TTLL7: variants seen among roughly 807,000 people sequenced by gnomAD.
The protein encoded by TTLL7 is tubulin polyglutamylase TTLL7.
TTLL7 carries 53 observed loss-of-function variants against 120.2 expected under a neutral mutation model. The observed-to-expected ratio is 0.44, with a 90% confidence interval of 0.35 to 0.55. The LOEUF is 0.55. Among genes scored for constraint, TTLL7 ranks in the 20% least tolerant of loss-of-function variants. The pLI is 0.00. For missense variants in TTLL7, 803 were observed against 1,054.7 expected, an observed-to-expected ratio of 0.76 and a Z score of 3.31; for synonymous variants, 353 against 351.7, an observed-to-expected ratio of 1.00 and a Z score of -0.04.
At chr1:83,928,353 C>A (rs2100812067) in intron 10 of TTLL7, among the ~76,000 whole-genome samples, 1 of 152,196 alleles carries the variant, frequency 6.6e-6, no homozygotes, top group Non-Finnish European at 1.5e-5. Flanking sequence ...ACCTCAGAGG[C>A]CCTTTAATCC....
chr1:83,894,877 C>T (rs1266245303), intron 18 of TTLL7, among the ~76,000 whole-genome samples: 1 of 152,006 alleles, frequency 6.6e-6, no homozygotes, highest in Non-Finnish European at 1.5e-5. Flanking sequence ...AAGGAGCCTC[C>T]GCAAGAAGGC....
intron 20 of TTLL7, among the ~76,000 whole-genome samples, chr1:83,881,710 C>T (rs1419903963): frequency 2.0e-5 from 3 of 151,194 alleles, no homozygotes; most frequent in Non-Finnish European, 4.4e-5. Flanking sequence ...CCTAGAAATA[C>T]CATTTGACCC....
At chr1:83,893,956 G>T (rs1456547545) in intron 18 of TTLL7, among the ~76,000 whole-genome samples, 1 of 152,000 alleles carries the variant, frequency 6.6e-6, no homozygotes, top group East Asian at 1.9e-4. Context: ...TTATAAAGAG[G>T]AATATCTTAA....
At chr1:83,884,779 C>T (rs1288217397) in intron 19 of TTLL7, among the ~76,000 whole-genome samples, 4 of 150,306 alleles carry the variant, frequency 2.7e-5, no homozygotes, top group South Asian at 4.2e-4. Context: ...TGCTAAATGA[C>T]GAGTTAATGG....
At chr1:83,892,504 G>T (rs368801814) in intron 18 of TTLL7, among the ~76,000 whole-genome samples, 1 of 47,154 alleles carries the variant, frequency 2.1e-5, no homozygotes, top group Admixed American at 2.1e-4. Flanking sequence ...ATGAACATAT[G>T]AATGAACATA....
chr1:83,932,535 T>C (rs1312556112), intron 9 of TTLL7, among the ~76,000 whole-genome samples: 1 of 151,610 alleles, frequency 6.6e-6, no homozygotes, highest in Admixed American at 6.6e-5. Flanking sequence ...TACATGTTAC[T>C]GTTTAAAGTA....
Position 83,916,602 on chromosome 1 carries a change from G to A in TTLL7, c.1587+1002C>T, listed in dbSNP as rs554846484. On this transcript the variant is annotated intron_variant, in intron 14 of 20. Coordinates refer to ENST00000260505, the MANE Select transcript of TTLL7 (RefSeq NM_024686.6). ...ACATGTATACATATGTAACAAACCT[G>A]CACGTTGTGCACATGTACCCTAAAA... 3.9e-5 allele frequency among the ~76,000 whole-genome samples: 6 copies of A among 152,022 alleles called. No homozygotes were observed. The South Asian group carries it at 1.2e-3, about 32-fold the overall frequency.
chr1:83,892,697 T>C (rs1476099548), intron 18 of TTLL7, among the ~76,000 whole-genome samples: 3 of 120,446 alleles, frequency 2.5e-5, no homozygotes, highest in East Asian at 2.9e-4. Context: ...TATATGAACA[T>C]ATATATGAAC....
chr1:83,906,236 T>C (rs1657187166), intron 17 of TTLL7, 93 bp downstream of exon 17: 24 of 1,057,926 alleles, frequency 2.3e-5, no homozygotes, highest in Non-Finnish European at 3.1e-5. Context: ...ACTATGTCAC[T>C]GAGCATAATG....
chr1:83,963,511 C>T (rs1650190381), intron 1 of TTLL7, among the ~76,000 whole-genome samples: 1 of 151,910 alleles, frequency 6.6e-6, no homozygotes, highest in South Asian at 2.1e-4. Context: ...AACCAGGTTC[C>T]TATCCAAAAC....
intron 17 of TTLL7, among the ~76,000 whole-genome samples, chr1:83,904,954 T>G (rs1418697359): frequency 1.3e-5 from 2 of 151,990 alleles, no homozygotes; most frequent in African/African-American, 4.8e-5. Flanking sequence ...TCATTATATT[T>G]TATTAATTAT....
chr1:83,879,549 G>A (rs1654257046), intron 20 of TTLL7, among the ~76,000 whole-genome samples: 1 of 151,946 alleles, frequency 6.6e-6, no homozygotes. Flanking sequence ...ATCTGCCTTT[G>A]ACTGGATGGA....
intron 5 of TTLL7, 141 bp downstream of exon 5, chr1:83,948,487 A>G: frequency 1.8e-6 from 1 of 559,700 alleles, no homozygotes; most frequent in Non-Finnish European, 3.1e-6. Context: ...GAGACCTTCT[A>G]AGACCTCTCT....
rs1052251109 is a variant in TTLL7, at chr1:83,951,915, T to G, written c.87A>C (p.Lys29Asn). 1 of 1,613,472 alleles carries G rather than the reference T, an allele frequency of 6.2e-7. No individual in the cohort carries two copies. Among genetic ancestry groups the G allele is most frequent in the Non-Finnish European group, 8.5e-7 (1 of 1,179,816 alleles). The change falls in exon 3 of 21, where the codon AAA becomes AAC. Residue 29 changes from lysine (K) to asparagine (N), a missense_variant. Lys to Asn is a moderately conservative substitution (Grantham distance 94). This residue lies in a region of TTLL7 where 91 missense variants were observed against 96.6 expected (regional missense o/e 0.94). Coordinates refer to ENST00000260505, the MANE Select transcript of TTLL7 (RefSeq NM_024686.6). Reference sequence around the variant, plus strand: ...TCTTTTTCTTCTTTCTGACTTTCCTTTTCATTGTGCTTTGATAAGGTAATT... The same window carrying G: ...TCTTTTTCTTCTTTCTGACTTTCCTGTTCATTGTGCTTTGATAAGGTAATT... The part of the protein sequence containing the change: ...NTELPYQSTM[K>N]RKVRKKKKKG...
At chr1:83,970,243 G>A (rs1650852762) in intron 1 of TTLL7, among the ~76,000 whole-genome samples, 1 of 151,966 alleles carries the variant, frequency 6.6e-6, no homozygotes, top group Non-Finnish European at 1.5e-5. Flanking sequence ...TACCTCTGAG[G>A]TTAACACTTC....
chr1:83,954,226 T>C (rs990131520), intron 1 of TTLL7, among the ~76,000 whole-genome samples: 2 of 152,144 alleles, frequency 1.3e-5, no homozygotes, highest in Non-Finnish European at 2.9e-5. Context: ...ACAAATTTGT[T>C]AGTTTTTGAC....
At chr1:83,930,179 T>G (rs1168369410) in intron 9 of TTLL7, among the ~76,000 whole-genome samples, 1 of 152,164 alleles carries the variant, frequency 6.6e-6, no homozygotes, top group Non-Finnish European at 1.5e-5. Context: ...AACCGTTTGG[T>G]AGATAGTATT....
At chr1:83,987,491 C>T (rs1652584084) in intron 1 of TTLL7, among the ~76,000 whole-genome samples, 1 of 151,782 alleles carries the variant, frequency 6.6e-6, no homozygotes, top group South Asian at 2.1e-4. Flanking sequence ...TCCACAGAGA[C>T]AAATTCCATT....
intron 11 of TTLL7, 33 bp downstream of exon 11, chr1:83,921,214 T>A: frequency 6.2e-7 from 1 of 1,610,202 alleles, no homozygotes; most frequent in Non-Finnish European, 8.5e-7. Context: ...TTATGCAATT[T>A]AAATTGTGGG....
Sources: allele counts gnomAD v4.1 joint callset (sites outside exome capture counted in the v4.1 genomes callset), GRCh38; gene constraint gnomAD v4.1.1; regional missense constraint gnomAD v4.1.1; transcripts MANE v1.5; gene names NCBI Gene and HGNC (gene_info 2026-07-23, HGNC 2026-07-21).